The following ME3 variants were observed in gnomAD, a reference collection of about 807,000 sequenced individuals.
The protein encoded by ME3 is NADP-dependent malic enzyme, mitochondrial.
Under a neutral mutation model 68.9 loss-of-function variants are expected in ME3, and 48 were observed. The ratio of observed to expected loss-of-function variants is 0.70; its 90% CI spans 0.55 to 0.89. The LOEUF (loss-of-function observed/expected upper bound fraction) is 0.89, where lower values mean the gene tolerates loss of function less well. Ranked by LOEUF, ME3 falls within the 40% of genes least tolerant of loss-of-function variation. ME3 has a pLI of 0.00. For missense variants in ME3, 675 were observed against 797.4 expected, an observed-to-expected ratio of 0.85 and a Z score of 1.85; for synonymous variants, 320 against 318.8, an observed-to-expected ratio of 1.00 and a Z score of -0.04.
At chr11:86,566,930 A>G (rs1957510800) in intron 2 of ME3, among the ~76,000 whole-genome samples, 1 of 152,048 alleles carries the variant, frequency 6.6e-6, no homozygotes, top group South Asian at 2.1e-4. Context: ...ATAAAAAAAG[A>G]AGAGTGGCCA....
At chr11:86,656,199 C>T (rs1351807892) in intron 2 of ME3, among the ~76,000 whole-genome samples, 1 of 151,602 alleles carries the variant, frequency 6.6e-6, no homozygotes, top group Non-Finnish European at 1.5e-5. Context: ...GGCGATTCCT[C>T]AGGGATCTAG....
At chr11:86,462,084 T>G (rs1325678339) in intron 8 of ME3, among the ~76,000 whole-genome samples, 1 of 152,186 alleles carries the variant, frequency 6.6e-6, no homozygotes, top group Non-Finnish European at 1.5e-5. Context: ...TGTCTGCATG[T>G]GGGGTACACA....
intron 4 of ME3, among the ~76,000 whole-genome samples, chr11:86,547,239 CAAAAA>C (rs1169843852): frequency 6.5e-5 from 3 of 46,004 alleles, no homozygotes; most frequent in South Asian, 7.5e-4. Flanking sequence ...GACTCCATCT[CAAAAA>C]AAAAAAAAAA....
chr11:86,567,243 A>AAAGAAAGG (rs869098620), intron 2 of ME3, among the ~76,000 whole-genome samples: 7 of 144,580 alleles, frequency 4.8e-5, no homozygotes, highest in Admixed American at 1.4e-4. Flanking sequence ...GAAAAGAAAG[A>AAAGAAAGG]AAGGAAGGAA....
intron 2 of ME3, among the ~76,000 whole-genome samples, chr11:86,612,221 G>A (rs766655225): frequency 1.3e-5 from 2 of 152,146 alleles, no homozygotes; most frequent in Non-Finnish European, 2.9e-5. Context: ...CTTCATCCAC[G>A]TCCCTGCAAA....
At chr11:86,483,689 C>G (rs1483777693) in intron 7 of ME3, among the ~76,000 whole-genome samples, 3 of 152,018 alleles carry the variant, frequency 2.0e-5, no homozygotes, top group Non-Finnish European at 4.4e-5. Context: ...CTTAAGAATC[C>G]CTGTATTTAG....
rs77523810 is a variant in ME3 at position 86,495,138 on chromosome 11, C to T, written c.705+2825G>A. 5.6e-3 allele frequency among the ~76,000 whole-genome samples: 860 copies of T among 152,298 alleles called. 7 individuals are homozygous for T. Among genetic ancestry groups the T allele is most frequent in the African/African-American group, 0.02 (823 of 41,542 alleles). On this transcript the variant is annotated intron_variant, in intron 6 of 14. Transcript: ENST00000543262. ...GGGGAGAGGAGCACAAACTTGGATTCGGCTCCTAGCCCTGCCGCTTCTAGC... is the reference window on the plus strand; with the variant it reads ...GGGGAGAGGAGCACAAACTTGGATTTGGCTCCTAGCCCTGCCGCTTCTAGC...
intron 4 of ME3, among the ~76,000 whole-genome samples, chr11:86,552,599 C>T (rs1406000586): frequency 6.6e-6 from 1 of 152,090 alleles, no homozygotes; most frequent in Non-Finnish European, 1.5e-5. Context: ...ATCCAAGCAC[C>T]GCCCCCCATG....
chr11:86,488,090 G>A (rs769259687), intron 6 of ME3, among the ~76,000 whole-genome samples: 8 of 152,154 alleles, frequency 5.3e-5, no homozygotes, highest in Non-Finnish European at 8.8e-5. Flanking sequence ...TGCGGCAGGA[G>A]GCTCACTTGA....
chr11:86,446,373 C>G (rs1348795412), exon 13 of ME3: 1 of 1,614,178 alleles, frequency 6.2e-7, no homozygotes, highest in Admixed American at 1.7e-5. Context: ...GCGATGACTC[C>G]CAGTGCCACC....
chr11:86,493,266 A>G (rs1214016518), intron 6 of ME3, among the ~76,000 whole-genome samples: 1 of 152,208 alleles, frequency 6.6e-6, no homozygotes, highest in Non-Finnish European at 1.5e-5. Context: ...CTAACCAAAC[A>G]TGACTCCCCT....
At chr11:86,453,994 T>C (rs550825541) in intron 8 of ME3, among the ~76,000 whole-genome samples, 2 of 152,216 alleles carry the variant, frequency 1.3e-5, no homozygotes, top group Non-Finnish European at 2.9e-5. Context: ...TTAAGTGTTC[T>C]CTATTAAAGC....
chr11:86,641,223 A>G (rs1944654775), intron 2 of ME3, among the ~76,000 whole-genome samples: 1 of 152,234 alleles, frequency 6.6e-6, no homozygotes. Flanking sequence ...TTTGAAAAGA[A>G]AAAAACAGAA....
chr11:86,479,801 A>G lies in ME3; in HGVS notation c.809+7536T>C, dbSNP rs145546270. Among the ~76,000 whole-genome samples, 462 of 144,054 alleles carry G rather than the reference A, an allele frequency of 3.2e-3. 5 individuals carry two copies. Among genetic ancestry groups the G allele is most frequent in the African/African-American group, 0.011 (441 of 38,766 alleles). 94.5% of individuals were successfully genotyped at this position (144,054 alleles called of 152,430 possible). On this transcript the variant is annotated intron_variant, in intron 7 of 14. Coordinates refer to ENST00000543262, the Ensembl canonical transcript of ME3. ...AGGACTGTAAGGTTGTTGAAGACAC[A>G]GCTGATGTCTTTTTTTCTTTCTTTT...
rs533729640 is a variant in ME3 at position 86,551,483 on chromosome 11, G to T, written c.467+5070C>A. ...AGGGAGTTTAAGTGAAGGCCAGAATGATGTGTCATGTTTACCAGGGCCAAC... is the reference window on the plus strand; with the variant it reads ...AGGGAGTTTAAGTGAAGGCCAGAATTATGTGTCATGTTTACCAGGGCCAAC... On this transcript the variant is annotated intron_variant, in intron 4 of 14. Transcript: ENST00000543262. Among the ~76,000 whole-genome samples the T allele has an allele frequency of 2.6e-5, 4 of 152,302 alleles. No individual in the cohort carries two copies. The South Asian group carries it at 6.2e-4, about 24-fold the overall frequency.
chr11:86,597,881 T>C (rs1342544641), intron 2 of ME3, among the ~76,000 whole-genome samples: 1 of 152,072 alleles, frequency 6.6e-6, no homozygotes, highest in African/African-American at 2.4e-5. Context: ...TAAATGTATT[T>C]GATTGATGTC....
intron 6 of ME3, among the ~76,000 whole-genome samples, chr11:86,495,973 C>T (rs1359243879): frequency 6.6e-6 from 1 of 152,236 alleles, no homozygotes; most frequent in Non-Finnish European, 1.5e-5. Context: ...TGCTCTCCCT[C>T]ATCTCATTCC....
At chr11:86,602,633 GC>G (rs1960895740) in intron 2 of ME3, among the ~76,000 whole-genome samples, 1 of 152,134 alleles carries the variant, frequency 6.6e-6, no homozygotes, top group Non-Finnish European at 1.5e-5. Context: ...CCAAAAAAGA[GC>G]CCGCATCAGT....
intron 2 of ME3, among the ~76,000 whole-genome samples, chr11:86,617,045 G>GTTTTTTTTTTGTTTTTTTT (rs1943009183): frequency 1.8e-5 from 1 of 56,300 alleles, no homozygotes; most frequent in Non-Finnish European, 3.1e-5. Context: ...CAAGATAGTA[G>GTTTTTTTTTTGTTTTTTTT]TTTTTTTTTT....
Sources: gnomAD v4.1 joint callset for allele counts (sites outside exome capture counted in the v4.1 genomes callset) on GRCh38, gnomAD v4.1.1 for gene constraint, MANE v1.5 for transcripts, NCBI Gene and HGNC (gene_info 2026-07-23, HGNC 2026-07-21) for gene names.